LCA5: variants seen among roughly 807,000 people sequenced by gnomAD.
The protein encoded by LCA5 is lebercilin LCA5, also known as lebercilin.
In LCA5, 37 loss-of-function variants were observed where a neutral mutation model predicts 53.0. That is an observed-to-expected ratio of 0.70 (90% confidence interval 0.54 to 0.92). LCA5 has a LOEUF of 0.92. Among genes scored for constraint, LCA5 ranks in the 40% least tolerant of loss-of-function variants. The pLI, the probability that LCA5 is intolerant of heterozygous loss-of-function variation, is 0.00. For missense variants in LCA5, 806 were observed against 790.5 expected, an observed-to-expected ratio of 1.02 and a Z score of -0.23; for synonymous variants, 303 against 282.9, an observed-to-expected ratio of 1.07 and a Z score of -0.71.
intron 3 of LCA5, among the ~76,000 whole-genome samples, chr6:79,495,574 A>G (rs1409198875): frequency 1.3e-5 from 2 of 151,976 alleles, no homozygotes; most frequent in African/African-American, 4.8e-5. Context: ...ACACAGTGAA[A>G]TCCCGTCTCT....
Position 79,518,926 on chromosome 6 carries a change from T to C in LCA5, c.-32A>G, listed in dbSNP as rs1400621067. 6.2e-7 allele frequency: 1 copy of C among 1,601,142 alleles called. No homozygotes were observed. The highest frequency in any genetic ancestry group is 8.6e-7 in the Non-Finnish European group (1 of 1,168,340). On this transcript the variant is annotated 5_prime_UTR_variant, in exon 2 of 8. Coordinates refer to ENST00000369846, the MANE Select transcript of LCA5 (RefSeq NM_001122769.3). ...GAAAAATGGTCTCTATTCACATAAT[T>C]TCACAGATTATTTTCTCCAGAGGAG... is the stretch of plus-strand genomic sequence containing the variant.
At chr6:79,525,556 G>A (rs550641746) in intron 1 of LCA5, among the ~76,000 whole-genome samples, 1 of 152,104 alleles carries the variant, frequency 6.6e-6, no homozygotes, top group African/African-American at 2.4e-5. Context: ...CCAGGGACTG[G>A]GCCCAAATGC....
chr6:79,519,013 G>T lies in LCA5; in HGVS notation c.-119C>A. On this transcript the variant is annotated 5_prime_UTR_variant, in exon 2 of 8. Transcript: ENST00000369846. ...AGATCCTGATAATATTCATTTCTGT[G>T]CAATCTATTTTCTCCACAATGTATT... The T allele has an allele frequency of 9.8e-7, 1 of 1,022,436 alleles. No individual in the cohort carries two copies. Among genetic ancestry groups the T allele is most frequent in the Non-Finnish European group, 1.5e-6 (1 of 651,140 alleles). 63.3% of individuals were successfully genotyped at this position (1,022,436 alleles called of 1,614,324 possible). A position where few individuals can be genotyped will look rare whatever the true frequency, so the allele number is the denominator to read the frequency against.
At position 79,513,430 on chromosome 6, in the gene LCA5, T is replaced by C; in HGVS notation, c.502A>G (p.Ile168Val). The change falls in exon 3 of 8, where the codon ATT becomes GTT. Residue 168 changes from isoleucine to valine, a missense_variant. Transcript: ENST00000369846. ...SQLIFRHNNE[I>V]TALKERLRKS... is the part of the protein sequence containing the mutation. ...CTTAAGCGTTCTTTGAGTGCTGTAA[T>C]CTCATTGTTATGACGAAATATAAGT... The C allele has an allele frequency of 3.1e-6, 5 of 1,613,984 alleles. No individual in the cohort carries two copies. The highest frequency in any genetic ancestry group is 2.5e-6 in the Non-Finnish European group (3 of 1,179,898).
chr6:79,531,226 C>T (rs1041353173), intron 1 of LCA5, among the ~76,000 whole-genome samples: 1 of 152,140 alleles, frequency 6.6e-6, no homozygotes, highest in African/African-American at 2.4e-5. Flanking sequence ...TCTATCCCAT[C>T]CTCTTTACCC....
intron 5 of LCA5, among the ~76,000 whole-genome samples, chr6:79,491,964 T>C (rs1769857791): frequency 6.6e-6 from 1 of 152,034 alleles, no homozygotes; most frequent in Non-Finnish European, 1.5e-5. Flanking sequence ...TTTTTGTTTC[T>C]AGGATTTACT....
At chr6:79,538,001 G>A (rs1481088122), upstream of LCA5, among the ~76,000 whole-genome samples, 1 of 114,122 alleles carries the variant, frequency 8.8e-6, no homozygotes, top group Admixed American at 1.0e-4. Context: ...AATGGCATCT[G>A]AAATATTTGC....
intron 6 of LCA5, among the ~76,000 whole-genome samples, chr6:79,491,071 G>C (rs1281516143): frequency 6.6e-6 from 1 of 151,470 alleles, no homozygotes; most frequent in Non-Finnish European, 1.5e-5. Context: ...ATTAAACCTA[G>C]TCAAATTCTA....
chr6:79,506,474 C>A (rs1305359976), intron 3 of LCA5, among the ~76,000 whole-genome samples: 1 of 152,004 alleles, frequency 6.6e-6, no homozygotes, highest in African/African-American at 2.4e-5. Context: ...CTATTGCATC[C>A]CTGATCAGGA....
chr6:79,509,929 AACT>A (rs1770366455), intron 3 of LCA5, among the ~76,000 whole-genome samples: 1 of 152,200 alleles, frequency 6.6e-6, no homozygotes, highest in African/African-American at 2.4e-5. Context: ...ATTCTCCACA[AACT>A]GATCTATGTT....
chr6:79,513,563 C>G lies in LCA5; in HGVS notation c.369G>C (p.Gln123His). 1 of 1,613,870 alleles carries G rather than the reference C, an allele frequency of 6.2e-7. No homozygotes were observed. The highest frequency in any genetic ancestry group is 8.5e-7 in the Non-Finnish European group (1 of 1,179,854). ...CTTTTAGCAGCTCAGCTAACTTGAC[C>G]TGGAGTTCAGATACTTCATTCTGCA... Reference protein sequence around the residue: ...NELQNEVSELQVKLAELLKEN... With the variant: ...NELQNEVSELHVKLAELLKEN... The change falls in exon 3 of 8, where the codon CAG becomes CAC. Residue 123 changes from glutamine to histidine, a missense_variant. Transcript: ENST00000369846.
At chr6:79,515,889 G>A (rs1184490355) in intron 2 of LCA5, among the ~76,000 whole-genome samples, 2 of 152,034 alleles carry the variant, frequency 1.3e-5, no homozygotes, top group African/African-American at 2.4e-5. Flanking sequence ...ATGAGGGAGT[G>A]CTTAATTATT....
chr6:79,494,504 T>C (rs1489591561), intron 3 of LCA5, among the ~76,000 whole-genome samples: 2 of 152,010 alleles, frequency 1.3e-5, no homozygotes, highest in Non-Finnish European at 2.9e-5. Context: ...GATAGATAGA[T>C]AGATAGATAA....
At chr6:79,517,441 C>A (rs529761808) in intron 2 of LCA5, among the ~76,000 whole-genome samples, 1 of 152,180 alleles carries the variant, frequency 6.6e-6, no homozygotes, top group East Asian at 1.9e-4. Flanking sequence ...CAGGCATTTT[C>A]TAAGGTTCAA....
intron 1 of LCA5, among the ~76,000 whole-genome samples, chr6:79,519,728 A>G (rs1392020948): frequency 1.3e-5 from 2 of 151,590 alleles, no homozygotes; most frequent in African/African-American, 4.8e-5. Flanking sequence ...AAAAAAAAAA[A>G]AAAAAGAATA....
intron 3 of LCA5, among the ~76,000 whole-genome samples, chr6:79,499,638 G>C (rs114305333): frequency 2.6e-5 from 4 of 150,954 alleles, no homozygotes; most frequent in Non-Finnish European, 5.9e-5. Flanking sequence ...AGTTATCTTC[G>C]GCTGGCAGGA....
intron 3 of LCA5, among the ~76,000 whole-genome samples, chr6:79,499,242 T>C (rs1389143380): frequency 2.0e-5 from 3 of 152,086 alleles, no homozygotes; most frequent in Admixed American, 6.5e-5. Flanking sequence ...AATGAGAATG[T>C]TTTCATTTTA....
intron 3 of LCA5, among the ~76,000 whole-genome samples, chr6:79,506,254 TAA>T (rs1184796399): frequency 6.6e-6 from 1 of 152,190 alleles, no homozygotes; most frequent in East Asian, 1.9e-4. Context: ...CAACTTAATT[TAA>T]AAAGAGTTGA....
intron 6 of LCA5, among the ~76,000 whole-genome samples, chr6:79,490,885 AAG>A (rs1280966231): frequency 9.9e-5 from 15 of 152,056 alleles, no homozygotes; most frequent in African/African-American, 3.6e-4. Flanking sequence ...CTCTTAGAGA[AAG>A]AGACTTTCCA....
Sources: allele counts gnomAD v4.1 joint callset (sites outside exome capture counted in the v4.1 genomes callset), GRCh38; gene constraint gnomAD v4.1.1; transcripts MANE v1.5; gene names NCBI Gene and HGNC (gene_info 2026-07-23, HGNC 2026-07-21).